Variants in GTPBP2 observed in about 807,000 individuals in gnomAD.
GTPBP2 encodes GTP binding protein 2.
A neutral mutation model predicts 63.0 loss-of-function variants in GTPBP2; 32 were observed. That is an observed-to-expected ratio of 0.51 (90% CI 0.38 to 0.68). GTPBP2 has a LOEUF of 0.68. Among genes scored for constraint, GTPBP2 ranks in the 30% least tolerant of loss-of-function variants. The pLI is 0.00. For synonymous variants in GTPBP2, 310 were observed against 322.6 expected, an observed-to-expected ratio of 0.96 and a Z score of 0.42; for missense variants, 492 against 796.9, an observed-to-expected ratio of 0.62 and a Z score of 4.61.
chr6:43,621,336 G>A lies in GTPBP2; in HGVS notation c.*278C>T. Reference sequence around the variant, plus strand: ...TGATGAGTGGATCCAGTCAGCTCCGGCAGACAGGCCACAGGGTTGCCAGGT... The same window carrying A: ...TGATGAGTGGATCCAGTCAGCTCCGACAGACAGGCCACAGGGTTGCCAGGT... On this transcript the variant is annotated 3_prime_UTR_variant, in exon 12 of 12. Transcript: ENST00000307126. 1.7e-6 allele frequency: 2 copies of A among 1,185,484 alleles called. No homozygotes were observed. Among genetic ancestry groups the A allele is most frequent in the Non-Finnish European group, 2.4e-6 (2 of 839,238 alleles). The allele number at this position is 1,185,484 out of a possible 1,614,324, so 73.4% of individuals were successfully genotyped here. A position where few individuals can be genotyped will look rare whatever the true frequency, so the allele number is the denominator to read the frequency against.
intron 1 of GTPBP2, 97 bp from the exon 2 acceptor site, chr6:43,627,045 C>G: frequency 8.9e-7 from 1 of 1,125,640 alleles, no homozygotes; most frequent in Non-Finnish European, 1.3e-6. Context: ...CTTGAGAAAG[C>G]AGGAAGCCCC....
chr6:43,622,236 C>G lies in GTPBP2; in HGVS notation c.1468-69G>C. Reference sequence around the variant, plus strand: ...ATCAGACTCTCCCTCCCCAGCCACCCCACACCCTTTATAGCTCCTGAATTT... The same window carrying G: ...ATCAGACTCTCCCTCCCCAGCCACCGCACACCCTTTATAGCTCCTGAATTT... On this transcript the variant is annotated intron_variant, in intron 10 of 11. Transcript: ENST00000307126. This position sits in a 1 kb window ranked among gnomAD's most constrained non-coding sequence, Gnocchi z 5.4. 2 of 1,355,900 alleles carry G rather than the reference C, an allele frequency of 1.5e-6. No homozygotes were observed. 84.0% of individuals were successfully genotyped at this position (1,355,900 alleles called of 1,614,324 possible). A position where few individuals can be genotyped will look rare whatever the true frequency, so the allele number is the denominator to read the frequency against.
At chr6:43,630,274 G>C (rs973106949), upstream of GTPBP2, among the ~76,000 whole-genome samples, 1 of 152,216 alleles carries the variant, frequency 6.6e-6, no homozygotes, top group Admixed American at 6.5e-5. Context: ...ACATAAGCCA[G>C]TGCACAGAAC....
Position 43,626,508 on chromosome 6 carries a change from T to C in GTPBP2, c.214-98A>G. 4 of 935,506 alleles carry C rather than the reference T, an allele frequency of 4.3e-6. No homozygotes were observed. The South Asian group carries it at 4.6e-5, about 11-fold the overall frequency. The allele number at this position is 935,506 out of a possible 1,614,324, so 58.0% of individuals were successfully genotyped here. A position where few individuals can be genotyped will look rare whatever the true frequency, so the allele number is the denominator to read the frequency against. On this transcript the variant is annotated intron_variant, in intron 2 of 11. Coordinates refer to ENST00000307126, the MANE Select transcript of GTPBP2 (RefSeq NM_019096.5). The surrounding 1 kb of genome is among the most constrained non-coding windows in gnomAD (Gnocchi z 4.0). ...CTGCTGCAAGGACCAGGACTTTCTC[T>C]TTCCACTTAAACTCATACCTGATCC... is the stretch of plus-strand genomic sequence containing the variant.
rs1458701302 is a variant in GTPBP2, at chr6:43,620,782, TG to T, written c.*831del. 6.5e-6 allele frequency: 1 copy of T among 152,904 alleles called. No individual in the cohort carries two copies. The highest frequency in any genetic ancestry group is 1.5e-5 in the Non-Finnish European group (1 of 68,438). 9.5% of individuals were successfully genotyped at this position (152,904 alleles called of 1,614,324 possible). ...GGAAAGTGGGGTGAGAGTGGTAGGATGGGGAACTCAGATGCCACCAGTCTGG... is the reference window on the plus strand; with the variant it reads ...GGAAAGTGGGGTGAGAGTGGTAGGATGGGAACTCAGATGCCACCAGTCTGG... On this transcript the variant is annotated 3_prime_UTR_variant, in exon 12 of 12. Transcript: ENST00000307126.
In GTPBP2 at chr6:43,625,648, G is replaced by A; in HGVS notation, c.508-88C>T. ...CAAGGGCAGTGACGCTCCCTAGGGA[G>A]CAAGTGATGAACTGGAAGCCCCCAG... On this transcript the variant is annotated intron_variant, in intron 4 of 11. Coordinates refer to ENST00000307126, the MANE Select transcript of GTPBP2 (RefSeq NM_019096.5). The surrounding 1 kb of genome is among the most constrained non-coding windows in gnomAD (Gnocchi z 5.1). The A allele has an allele frequency of 7.1e-7, 1 of 1,406,338 alleles. No individual in the cohort carries two copies. The highest frequency in any genetic ancestry group is 1.0e-6 in the Non-Finnish European group (1 of 991,764). 87.1% of individuals were successfully genotyped at this position (1,406,338 alleles called of 1,614,324 possible). A position where few individuals can be genotyped will look rare whatever the true frequency, so the allele number is the denominator to read the frequency against.
chr6:43,621,830 C>G, intron 11 of GTPBP2, 40 bp from the exon 12 acceptor site: 1 of 1,613,442 alleles, frequency 6.2e-7, no homozygotes, highest in Middle Eastern at 1.7e-4. Flanking sequence ...CCAGTGCCTT[C>G]TGTCCCATTC....
At position 43,629,106 on chromosome 6, in the gene GTPBP2, C is replaced by A; in HGVS notation, c.57G>T (p.Pro19=). The change falls in exon 1 of 12, where the codon CCG becomes CCT. Residue 19 remains proline (P), a synonymous_variant. Transcript: ENST00000307126. ...FGGCCRPGGG[P]AVGGTLKARG... is the part of the protein sequence containing the mutation. ...TAGCCTTGAGGGTTCCGCCCACGGC[C>A]GGGCCCCCTCCGGGCCGGCAGCAGC... 1 of 1,552,498 alleles carries A rather than the reference C, an allele frequency of 6.4e-7. No homozygotes were observed. The highest frequency in any genetic ancestry group is 1.2e-5 in the South Asian group (1 of 84,620).
At position 43,625,293 on chromosome 6, in the gene GTPBP2, C is replaced by T. The variant is rs1246566067; in HGVS notation, c.705+70G>A. ...AAAAGTCTCCACACTCTACCCCCATCCTATGTCCTTCACTACTACCATCCC... is the reference window on the plus strand; with the variant it reads ...AAAAGTCTCCACACTCTACCCCCATTCTATGTCCTTCACTACTACCATCCC... On this transcript the variant is annotated intron_variant, in intron 5 of 11. Coordinates refer to ENST00000307126, the MANE Select transcript of GTPBP2 (RefSeq NM_019096.5). The surrounding 1 kb of genome is among the most constrained non-coding windows in gnomAD (Gnocchi z 5.1). The T allele has an allele frequency of 1.4e-6, 2 of 1,427,714 alleles. No homozygotes were observed. The highest frequency in any genetic ancestry group is 2.8e-5 in the African/African-American group (2 of 71,528). 88.4% of individuals were successfully genotyped at this position (1,427,714 alleles called of 1,614,324 possible). A position where few individuals can be genotyped will look rare whatever the true frequency, so the allele number is the denominator to read the frequency against.
rs1769078869 is a variant in GTPBP2 at position 43,624,119 on chromosome 6, C to G, written c.1101-51G>C. 6.6e-7 allele frequency: 1 copy of G among 1,516,650 alleles called. No individual in the cohort carries two copies. The highest frequency in any genetic ancestry group is 1.4e-5 in the African/African-American group (1 of 72,888). 93.9% of individuals were successfully genotyped at this position (1,516,650 alleles called of 1,614,324 possible). On this transcript the variant is annotated intron_variant, in intron 7 of 11. Coordinates refer to ENST00000307126, the MANE Select transcript of GTPBP2 (RefSeq NM_019096.5). The surrounding 1 kb of genome is among the most constrained non-coding windows in gnomAD (Gnocchi z 5.1). Reference sequence around the variant, plus strand: ...AGATGAAGACAGTCCAAACAGGAGGCAGAGGCCAGAGCCCCATACATGGAA... The same window carrying G: ...AGATGAAGACAGTCCAAACAGGAGGGAGAGGCCAGAGCCCCATACATGGAA...
chr6:43,623,124 C>T, intron 9 of GTPBP2: 1 of 281,464 alleles, frequency 3.6e-6, no homozygotes, highest in South Asian at 6.2e-5. Flanking sequence ...GCCGCGTTGG[C>T]TCACACCTGT....
At chr6:43,630,424 G>A (rs889925955), upstream of GTPBP2, among the ~76,000 whole-genome samples, 2 of 152,074 alleles carry the variant, frequency 1.3e-5, no homozygotes, top group African/African-American at 4.8e-5. Context: ...CGAACTGCGA[G>A]GTGCTCATAC....
Position 43,621,547 on chromosome 6 carries a change from G to A in GTPBP2, c.*67C>T. ...AACACACAGAGCCGCCAATGGCAGG[G>A]CAGCATGGCCAGAAGTCACCTTATA... On this transcript the variant is annotated 3_prime_UTR_variant, in exon 12 of 12. Coordinates refer to ENST00000307126, the MANE Select transcript of GTPBP2 (RefSeq NM_019096.5). The A allele has an allele frequency of 1.2e-6, 2 of 1,611,694 alleles. No individual in the cohort carries two copies. The highest frequency in any genetic ancestry group is 1.7e-6 in the Non-Finnish European group (2 of 1,179,014).
chr6:43,623,394 A>G (rs79949747), intron 9 of GTPBP2: 5,972 of 267,728 alleles, frequency 0.022, 371 homozygotes, highest in African/African-American at 0.12. Flanking sequence ...TGTCTCAAAA[A>G]AAAGAAAGAA....
chr6:43,623,838 C>G lies in GTPBP2; in HGVS notation c.1237-43G>C, dbSNP rs558037842. 226 of 1,609,748 alleles carry G rather than the reference C, an allele frequency of 1.4e-4. No individual in the cohort carries two copies. The South Asian group carries it at 2.4e-3, about 17-fold the overall frequency. On this transcript the variant is annotated intron_variant, in intron 8 of 11. Coordinates refer to ENST00000307126, the MANE Select transcript of GTPBP2 (RefSeq NM_019096.5). The stretch of plus-strand genomic sequence containing the variant: ...GCTATCAATGGCCTGCCAAGTAGGG[C>G]TGGTGGGTCCAAAATCTCTAAACAG...
At position 43,628,589 on chromosome 6, in the gene GTPBP2, C is replaced by T. The variant is rs551071595; in HGVS notation, c.186+388G>A. ...TCTTTTCCCGGGTACTCCCCTTCTC[C>T]CTGTGGAACAAGTTTAGAAGAAGTG... On this transcript the variant is annotated intron_variant, in intron 1 of 11. Coordinates refer to ENST00000307126, the MANE Select transcript of GTPBP2 (RefSeq NM_019096.5). 39 of 975,226 alleles carry T rather than the reference C, an allele frequency of 4.0e-5. No homozygotes were observed. The African/African-American group carries it at 6.7e-4, about 17-fold the overall frequency. The allele number at this position is 975,226 out of a possible 1,614,324, so 60.4% of individuals were successfully genotyped here.
rs1768703364 is a variant in GTPBP2 at position 43,621,345 on chromosome 6, C to G, written c.*269G>C. 2 of 1,297,094 alleles carry G rather than the reference C, an allele frequency of 1.5e-6. No individual in the cohort carries two copies. Among genetic ancestry groups the G allele is most frequent in the Admixed American group, 2.1e-5 (1 of 48,174 alleles). 80.3% of individuals were successfully genotyped at this position (1,297,094 alleles called of 1,614,324 possible). On this transcript the variant is annotated 3_prime_UTR_variant, in exon 12 of 12. Coordinates refer to ENST00000307126, the MANE Select transcript of GTPBP2 (RefSeq NM_019096.5). ...GATCCAGTCAGCTCCGGCAGACAGG[C>G]CACAGGGTTGCCAGGTTTGATGAGC...
In GTPBP2 at chr6:43,621,698, C is replaced by G; in HGVS notation, c.1725G>C (p.Arg575=). The G allele has an allele frequency of 6.2e-7, 1 of 1,614,216 alleles. No individual in the cohort carries two copies. The highest frequency in any genetic ancestry group is 2.2e-5 in the East Asian group (1 of 44,888). The change falls in exon 12 of 12, where the codon CGG becomes CGC. Residue 575 remains arginine, a synonymous_variant. Transcript: ENST00000307126. ...YLKVGAKLLF[R]EGVTKGIGHV... ...GGCCGATGCCCTTGGTGACACCCTC[C>G]CGGAACAGCAGTTTGGCGCCCACCT...
upstream of GTPBP2, chr6:43,629,671 T>G (rs993057504): frequency 4.1e-6 from 6 of 1,462,866 alleles, no homozygotes; most frequent in Non-Finnish European, 9.4e-7. Flanking sequence ...CAACAGGTTT[T>G]GGACCTCGAG....
Sources: gnomAD v4.1 joint callset for allele counts (sites outside exome capture counted in the v4.1 genomes callset) on GRCh38, gnomAD v4.1.1 for gene constraint, Gnocchi (gnomAD v3.1) non-coding constraint, MANE v1.5 for transcripts, NCBI Gene and HGNC (gene_info 2026-07-23, HGNC 2026-07-21) for gene names.